Variants in TTC21A observed in about 807,000 individuals in gnomAD.
TTC21A encodes tetratricopeptide repeat domain 21A, also known as tetratricopeptide repeat protein 21A.
In TTC21A, 128 loss-of-function variants were observed where a neutral mutation model predicts 156.4. The ratio of observed to expected loss-of-function variants is 0.82; its 90% CI spans 0.71 to 0.95. The LOEUF is 0.95. TTC21A is among the 40% of genes least tolerant of loss of function. The pLI, the probability that TTC21A is intolerant of heterozygous loss-of-function variation, is 0.00. For missense variants in TTC21A, 1,435 were observed against 1,602.3 expected (o/e 0.90, Z 1.78); for synonymous variants, 587 against 617.1 (o/e 0.95, Z 0.72).
Position 39,138,278 on chromosome 3 carries a change from G to A in TTC21A, c.3687G>A (p.Lys1229=). The A allele has an allele frequency of 1.9e-6, 3 of 1,614,100 alleles. No individual in the cohort carries two copies. Among genetic ancestry groups the A allele is most frequent in the Non-Finnish European group, 2.5e-6 (3 of 1,179,992 alleles). The part of the protein sequence containing the change: ...RCVQYNKSCY[K]AYEYMGFIME... ...GGCTTTCCCTGCAGTCCTGCTACAAGGCCTATGAGTACATGGGCTTCATCA... is the reference window on the plus strand; with the variant it reads ...GGCTTTCCCTGCAGTCCTGCTACAAAGCCTATGAGTACATGGGCTTCATCA... Residue 1229 remains lysine, a synonymous_variant, in exon 27 of 29, where the codon AAG becomes AAA. Coordinates refer to ENST00000683103, the MANE Select transcript of TTC21A (RefSeq NM_001366900.1).
intron 3 of TTC21A, 185 bp downstream of exon 3, chr3:39,110,324 G>A (rs2036703745): frequency 1.5e-6 from 1 of 657,996 alleles, no homozygotes; most frequent in African/African-American, 1.8e-5. Flanking sequence ...AAGACTCCAT[G>A]CCTGGGCCCA....
chr3:39,119,846 C>T (rs1258600200), intron 7 of TTC21A, 76 bp from the exon 8 acceptor site: 2 of 939,684 alleles, frequency 2.1e-6, no homozygotes, highest in Non-Finnish European at 3.4e-6. Flanking sequence ...TGCTACTATG[C>T]AGTCAGGGTT....
intron 20 of TTC21A, among the ~76,000 whole-genome samples, 188 bp downstream of exon 20, chr3:39,133,428 C>T (rs2038884966): frequency 6.6e-6 from 1 of 152,236 alleles, no homozygotes; most frequent in South Asian, 2.1e-4. Context: ...GACCTGGGGC[C>T]TCACCTGCTG....
Position 39,136,492 on chromosome 3 carries a change from G to C in TTC21A, c.3080G>C (p.Arg1027Thr). ...TTGGAACCAGGGTTCAATTACTGCA[G>C]AGGTATCTACTGCTGGTGAGTTGGG... ...VPLEPGFNYCRGIYCWHIGQP... is the reference protein window; with the variant it reads ...VPLEPGFNYCTGIYCWHIGQP... The change falls in exon 23 of 29, where the codon AGA becomes ACA. Residue 1027 changes from arginine to threonine, a missense_variant. Transcript: ENST00000683103. 2 of 1,614,216 alleles carry C rather than the reference G, an allele frequency of 1.2e-6. No individual in the cohort carries two copies. Among genetic ancestry groups the C allele is most frequent in the Non-Finnish European group, 1.7e-6 (2 of 1,180,006 alleles).
intron 1 of TTC21A, among the ~76,000 whole-genome samples, chr3:39,108,568 A>C (rs760826582): frequency 2.0e-5 from 3 of 152,192 alleles, no homozygotes; most frequent in African/African-American, 4.8e-5. Flanking sequence ...TTTACAGTCC[A>C]ACCACATCTG....
chr3:39,137,515 G>A lies in TTC21A; in HGVS notation c.3480G>A (p.Leu1160=). ...EKDSVPALLA[L]AQAYVFLKQI... ...ACAGCGTCCCTGCCCTGCTGGCCTT[G>A]GCACAAGCCTACGTGTTCCTGAAGC... The change falls in exon 26 of 29, where the codon TTG becomes TTA. Residue 1160 remains leucine, a synonymous_variant. Transcript: ENST00000683103. 1 of 1,614,226 alleles carries A rather than the reference G, an allele frequency of 6.2e-7. No individual in the cohort carries two copies. The highest frequency in any genetic ancestry group is 8.5e-7 in the Non-Finnish European group (1 of 1,180,040).
rs1182484111 is a variant in TTC21A, at chr3:39,136,216, A to C, written c.2945-141A>C. 7 of 753,592 alleles carry C rather than the reference A, an allele frequency of 9.3e-6. No individual in the cohort carries two copies. In the Admixed American group the frequency reaches 1.9e-4, roughly 21 times the overall value. 46.7% of individuals were successfully genotyped at this position (753,592 alleles called of 1,614,324 possible). On this transcript the variant is annotated intron_variant, in intron 22 of 28. Coordinates refer to ENST00000683103, the MANE Select transcript of TTC21A (RefSeq NM_001366900.1). ...TATTCTTTACTCAACCCTGGAGACC[A>C]GTGGAGACTCTGGAGCTGTTGGAAT...
At chr3:39,109,537 G>A (rs1559663603) in intron 2 of TTC21A, among the ~76,000 whole-genome samples, 1 of 152,168 alleles carries the variant, frequency 6.6e-6, no homozygotes, top group Non-Finnish European at 1.5e-5. Flanking sequence ...CAAAGGAGGG[G>A]GAAGAGGTAG....
intron 9 of TTC21A, among the ~76,000 whole-genome samples, chr3:39,124,206 TA>T (rs2038015500): frequency 6.6e-6 from 1 of 152,118 alleles, no homozygotes; most frequent in Non-Finnish European, 1.5e-5. Context: ...AAAAATAAAG[TA>T]AATGTGAAAT....
chr3:39,118,267 C>G, intron 7 of TTC21A, 114 bp downstream of exon 7: 1 of 1,014,928 alleles, frequency 9.9e-7, no homozygotes, highest in Non-Finnish European at 1.5e-6. Context: ...ATCTCAGCTT[C>G]CTCTTTTCTA....
In TTC21A at chr3:39,134,481, A is replaced by G; in HGVS notation, c.2862+153A>G. 1.4e-6 allele frequency: 1 copy of G among 712,680 alleles called. No individual in the cohort carries two copies. The allele number at this position is 712,680 out of a possible 1,614,324, so 44.1% of individuals were successfully genotyped here. On this transcript the variant is annotated intron_variant, in intron 21 of 28. Coordinates refer to ENST00000683103, the MANE Select transcript of TTC21A (RefSeq NM_001366900.1). The surrounding 1 kb of genome is among the most constrained non-coding windows in gnomAD (Gnocchi z 4.6). ...TCGGGCAGAGAGGACTCAGTGCTGCACCTACTCTGCCCTTTAGCCGGAAGC... is the reference window on the plus strand; with the variant it reads ...TCGGGCAGAGAGGACTCAGTGCTGCGCCTACTCTGCCCTTTAGCCGGAAGC...
Position 39,130,669 on chromosome 3 carries a change from G to T in TTC21A, c.2320-32G>T. The stretch of plus-strand genomic sequence containing the variant: ...GTCGGGCACTGAAGGGCAGAACCAG[G>T]CCAGAGGCTAATATTTACTGTTTGC... On this transcript the variant is annotated intron_variant, in intron 17 of 28. Transcript: ENST00000683103. This position sits in a 1 kb window ranked among gnomAD's most constrained non-coding sequence, Gnocchi z 4.5. 6.2e-7 allele frequency: 1 copy of T among 1,612,142 alleles called. No homozygotes were observed. Among genetic ancestry groups the T allele is most frequent in the Non-Finnish European group, 8.5e-7 (1 of 1,178,582 alleles).
At chr3:39,118,347 TCAGGCA>T (rs1189330804) in intron 7 of TTC21A, 194 bp downstream of exon 7, 1 of 604,422 alleles carries the variant, frequency 1.7e-6, no homozygotes, top group African/African-American at 1.9e-5. Flanking sequence ...AGCTTGGGAG[TCAGGCA>T]GCATCAGGCA....
intron 3 of TTC21A, 77 bp downstream of exon 3, chr3:39,110,216 CA>C (rs760181055): frequency 1.8e-6 from 2 of 1,095,148 alleles, no homozygotes; most frequent in South Asian, 2.6e-5. Context: ...CACAGCCCCT[CA>C]AGGGCTGCCA....
intron 6 of TTC21A, 152 bp downstream of exon 6, chr3:39,114,894 C>T (rs1405190616): frequency 2.5e-6 from 2 of 806,486 alleles, no homozygotes; most frequent in Admixed American, 4.7e-5. Flanking sequence ...AGGAAGAGAG[C>T]AGGGATGGGT....
In TTC21A at chr3:39,134,829, C is replaced by T. The variant is rs2038991657; in HGVS notation, c.2863-264C>T. 1 of 572,072 alleles carries T rather than the reference C, an allele frequency of 1.7e-6. No homozygotes were observed. The allele number at this position is 572,072 out of a possible 1,614,324, so 35.4% of individuals were successfully genotyped here. A position where few individuals can be genotyped will look rare whatever the true frequency, so the allele number is the denominator to read the frequency against. On this transcript the variant is annotated intron_variant, in intron 21 of 28. Coordinates refer to ENST00000683103, the MANE Select transcript of TTC21A (RefSeq NM_001366900.1). This position sits in a 1 kb window ranked among gnomAD's most constrained non-coding sequence, Gnocchi z 4.6. ...TGTCAAAAAGCCCCACTGGTCTCTACCACTAGTCTTACCTTCCCATGTACA... is the reference window on the plus strand; with the variant it reads ...TGTCAAAAAGCCCCACTGGTCTCTATCACTAGTCTTACCTTCCCATGTACA...
intron 5 of TTC21A, 185 bp downstream of exon 5, chr3:39,112,765 A>G (rs749295690): frequency 1.8e-5 from 7 of 384,680 alleles, no homozygotes; most frequent in African/African-American, 2.2e-5. Context: ...GGTCCACTCT[A>G]CTTCTCAGAT....
In TTC21A at chr3:39,114,689, G is replaced by A. The variant is rs1249278659; in HGVS notation, c.663G>A (p.Met221Ile). Residue 221 changes from methionine to isoleucine, a missense_variant, in exon 6 of 29, where the codon ATG (methionine) becomes ATA (isoleucine). Coordinates refer to ENST00000683103, the MANE Select transcript of TTC21A (RefSeq NM_001366900.1). ...GSFLPALVLKMQLFLARQDWE... is the reference protein window; with the variant it reads ...GSFLPALVLKIQLFLARQDWE... The stretch of plus-strand genomic sequence containing the variant: ...TCCTGCCAGCCCTCGTCCTGAAGAT[G>A]CAGCTGTTCTTAGCTCGGCAGGACT... 1.9e-6 allele frequency: 3 copies of A among 1,614,252 alleles called. No homozygotes were observed. The highest frequency in any genetic ancestry group is 2.5e-6 in the Non-Finnish European group (3 of 1,180,050).
intron 11 of TTC21A, 21 bp downstream of exon 11, chr3:39,125,553 C>T (rs1422872850): frequency 1.3e-6 from 2 of 1,559,516 alleles, no homozygotes; most frequent in Non-Finnish European, 1.8e-6. Context: ...GGCCTGTCTT[C>T]ATGGTGGGGG....
Sources: gnomAD v4.1 joint callset for allele counts (sites outside exome capture counted in the v4.1 genomes callset) on GRCh38, gnomAD v4.1.1 for gene constraint, Gnocchi (gnomAD v3.1) non-coding constraint, MANE v1.5 for transcripts, NCBI Gene and HGNC (gene_info 2026-07-23, HGNC 2026-07-21) for gene names.